The following ZNF454 variants were observed in gnomAD, a reference collection of about 807,000 sequenced individuals.
ZNF454 encodes zinc finger protein 454.
In ZNF454, 30 loss-of-function variants were observed where a neutral mutation model predicts 48.2. The ratio of observed to expected loss-of-function variants is 0.62; its 90% CI spans 0.47 to 0.84. The LOEUF is 0.84. ZNF454 is among the 40% of genes least tolerant of loss of function. The pLI is 0.00. For missense variants in ZNF454, 510 were observed against 623.1 expected (o/e 0.82, Z 1.93); for synonymous variants, 204 against 211.4 (o/e 0.97, Z 0.30).
chr5:178,960,557 C>A (rs1355191843), intron 4 of ZNF454, among the ~76,000 whole-genome samples: 1 of 151,656 alleles, frequency 6.6e-6, no homozygotes, highest in African/African-American at 2.4e-5. Context: ...CCTGGCCAGC[C>A]CATTCCTTTT....
intron 4 of ZNF454, among the ~76,000 whole-genome samples, chr5:178,961,008 G>A (rs112178626): frequency 0.11 from 16,923 of 148,724 alleles, 1,483 homozygotes; most frequent in African/African-American, 0.23. Context: ...TCAGCTCACT[G>A]CAACCTCTGC....
At position 178,965,214 on chromosome 5, in the gene ZNF454, G is replaced by A. The variant is rs1217993181; in HGVS notation, c.810G>A (p.Lys270=). ...TYHQKIHTGE[K]PFECNLCGKA... is the part of the protein sequence containing the mutation. The stretch of plus-strand genomic sequence containing the variant: ...ATCAGAAAATTCATACTGGAGAGAA[G>A]CCTTTTGAATGCAACTTATGTGGAA... The change falls in exon 5 of 5, where the codon AAG becomes AAA. Residue 270 remains lysine, a synonymous_variant. Coordinates refer to ENST00000519564, the MANE Select transcript of ZNF454 (RefSeq NM_001178089.3). This position sits in a 1 kb window ranked among gnomAD's most constrained non-coding sequence, Gnocchi z 5.2. The A allele has an allele frequency of 1.9e-6, 3 of 1,613,874 alleles. No homozygotes were observed.
chr5:178,943,299 G>A (rs1168191932), intron 2 of ZNF454, among the ~76,000 whole-genome samples: 1 of 152,170 alleles, frequency 6.6e-6, no homozygotes. Context: ...GGTGAAGGGG[G>A]AGCAGGTGTA....
At chr5:178,986,600 C>A in the ZNF454 span, 1 of 1,604,872 alleles carries the variant, frequency 6.2e-7, no homozygotes. Flanking sequence ...CATGTGAACT[C>A]GTCCACCTGG....
chr5:178,964,091 A>G (rs1382322526), intron 4 of ZNF454, among the ~76,000 whole-genome samples: 1 of 149,670 alleles, frequency 6.7e-6, no homozygotes, highest in Admixed American at 6.7e-5. Flanking sequence ...CAAAGAAAAT[A>G]TGTGTTGTAC....
chr5:178,979,433 G>A, the ZNF454 span: 1 of 152,168 alleles, frequency 6.6e-6, no homozygotes, highest in Non-Finnish European at 1.5e-5. Flanking sequence ...ACCCAGAATG[G>A]TGCATGCTGT....
chr5:178,985,326 C>T, the ZNF454 span: 2 of 453,258 alleles, frequency 4.4e-6, no homozygotes, highest in Admixed American at 2.4e-5. Context: ...CGTTTTCCTT[C>T]AAGGACCCAG....
chr5:178,951,994 G>A (rs1759572519), intron 4 of ZNF454, among the ~76,000 whole-genome samples: 1 of 149,542 alleles, frequency 6.7e-6, no homozygotes, highest in Admixed American at 6.7e-5. Flanking sequence ...GTATCTTGTG[G>A]TTTTCATTTA....
chr5:178,983,588 C>T, the ZNF454 span: 4,571 of 417,746 alleles, frequency 0.011, 204 homozygotes, highest in East Asian at 0.14. Flanking sequence ...TGGATGTGGC[C>T]GGAAGCTCTG....
Position 178,965,629 on chromosome 5 carries a change from G to A in ZNF454, c.1225G>A (p.Glu409Lys), listed in dbSNP as rs1760124389. The A allele has an allele frequency of 1.2e-6, 2 of 1,614,208 alleles. No homozygotes were observed. Among genetic ancestry groups the A allele is most frequent in the Non-Finnish European group, 1.7e-6 (2 of 1,180,048 alleles). The change falls in exon 5 of 5, where the codon GAG (glutamate) becomes AAG (lysine). Residue 409 changes from glutamate to lysine, a missense_variant. Glu to Lys is a moderately conservative substitution (Grantham distance 56). Coordinates refer to ENST00000519564, the MANE Select transcript of ZNF454 (RefSeq NM_001178089.3). This position sits in a 1 kb window ranked among gnomAD's most constrained non-coding sequence, Gnocchi z 5.2. ...FARHRKIHTGEKPYRCGLCEK... is the reference protein window; with the variant it reads ...FARHRKIHTGKKPYRCGLCEK... ...ACGACATCGGAAAATTCACACTGGA[G>A]AGAAACCTTACAGATGTGGCTTGTG...
chr5:178,956,884 TTTTG>T (rs1373666884), intron 4 of ZNF454: 3 of 363,784 alleles, frequency 8.2e-6, no homozygotes, highest in Admixed American at 2.9e-5. Flanking sequence ...TTTTTGTATT[TTTTG>T]TTTGTTTGTT....
downstream of ZNF454, chr5:178,969,604 A>G (rs1052642163): frequency 1.0e-4 from 46 of 456,720 alleles, no homozygotes; most frequent in African/African-American, 8.6e-4. Context: ...CGCCTGCTTC[A>G]TGTAGTACAC....
intron 4 of ZNF454, among the ~76,000 whole-genome samples, chr5:178,952,680 T>G (rs4700746): frequency 0.3 from 45,638 of 152,040 alleles, 6,984 homozygotes; most frequent in Admixed American, 0.35. Context: ...TTTGCTCTTG[T>G]ATCTTGGGCA....
the ZNF454 span, chr5:178,985,708 A>AC: frequency 7.2e-6 from 3 of 416,328 alleles, no homozygotes; most frequent in Admixed American, 3.0e-5. Flanking sequence ...GTCTAAAAAA[A>AC]AAAAAACAAA....
At chr5:178,989,486 C>A in the ZNF454 span, 1 of 1,580,322 alleles carries the variant, frequency 6.3e-7, no homozygotes, top group Non-Finnish European at 8.7e-7. Context: ...CACTTGCTCA[C>A]TTTCAGCTAG....
chr5:178,985,658 G>T, the ZNF454 span: 3 of 392,146 alleles, frequency 7.7e-6, no homozygotes, highest in Non-Finnish European at 1.5e-5. Context: ...AGCTGAGATA[G>T]TGCCACTGCA....
downstream of ZNF454, among the ~76,000 whole-genome samples, chr5:178,968,530 T>G (rs1343034439): frequency 6.6e-6 from 1 of 152,204 alleles, no homozygotes; most frequent in Non-Finnish European, 1.5e-5. Flanking sequence ...TCTTCCCTAT[T>G]AAGCTGCATG....
the ZNF454 span, among the ~76,000 whole-genome samples, chr5:178,982,365 G>T: frequency 6.6e-6 from 1 of 152,104 alleles, no homozygotes; most frequent in East Asian, 1.9e-4. Context: ...GTCACTTGAG[G>T]TCAAGAATTT....
chr5:178,976,793 G>A, the ZNF454 span, among the ~76,000 whole-genome samples: 1 of 152,182 alleles, frequency 6.6e-6, no homozygotes, highest in Admixed American at 6.5e-5. Context: ...GGCAAGACAA[G>A]GTCTGTGTGC....
Sources: allele counts gnomAD v4.1 joint callset (sites outside exome capture counted in the v4.1 genomes callset), GRCh38; gene constraint gnomAD v4.1.1; non-coding constraint Gnocchi (gnomAD v3.1); transcripts MANE v1.5; gene names NCBI Gene and HGNC (gene_info 2026-07-23, HGNC 2026-07-21).